The following WDR41 variants were observed in gnomAD, a reference collection of about 807,000 sequenced individuals.
The protein encoded by WDR41 is WD repeat-containing protein 41.
A neutral mutation model predicts 69.3 loss-of-function variants in WDR41; 63 were observed. The observed-to-expected ratio is 0.91, with a 90% confidence interval of 0.74 to 1.12. WDR41 has a LOEUF of 1.12. Ranked by LOEUF, WDR41 falls within the 50% of genes most tolerant of loss-of-function variation. The pLI is 0.00. For synonymous variants in WDR41, 185 were observed against 192.1 expected (o/e 0.96, Z 0.31); for missense variants, 543 against 534.5 (o/e 1.02, Z -0.16).
At chr5:77,554,117 T>A (rs546674113) in intron 1 of WDR41, among the ~76,000 whole-genome samples, 40 of 152,346 alleles carry the variant, frequency 2.6e-4, no homozygotes, top group Middle Eastern at 3.4e-3. Flanking sequence ...TTGATACATA[T>A]GACTTGGATG....
chr5:77,544,217 G>C (rs1234381475), intron 1 of WDR41, among the ~76,000 whole-genome samples: 1 of 146,310 alleles, frequency 6.8e-6, no homozygotes, highest in Non-Finnish European at 1.5e-5. Context: ...AATCTCATAG[G>C]ACCTATAAAA....
intron 2 of WDR41, among the ~76,000 whole-genome samples, chr5:77,472,123 G>T (rs544615722): frequency 1.3e-5 from 2 of 152,076 alleles, no homozygotes; most frequent in Non-Finnish European, 2.9e-5. Flanking sequence ...TTCAATATAC[G>T]CAAATCAATA....
chr5:77,498,846 A>G (rs1801974228), intron 1 of WDR41, among the ~76,000 whole-genome samples: 1 of 144,974 alleles, frequency 6.9e-6, no homozygotes, highest in Admixed American at 6.7e-5. Flanking sequence ...AGAAAAAGAA[A>G]AAAAGAAAAA....
intron 1 of WDR41, chr5:77,582,392 A>G: frequency 6.2e-7 from 1 of 1,610,316 alleles, no homozygotes. Context: ...GGTGTAGAAG[A>G]GAAGAAGAAG....
rs59306558 is a variant in WDR41 at position 77,512,331 on chromosome 5, T to TGAGAGAGAGAGAAAGAGAGAGAGAGA, written c.43-22760_43-22759insTCTCTCTCTCTCTTTCTCTCTCTCTC. ...ATGGTCTGTAATTACATGGGGTGAGTGAGAGAGAGAGAGAGAGAGAGTGAG... is the reference window on the plus strand; with the variant it reads ...ATGGTCTGTAATTACATGGGGTGAGTGAGAGAGAGAGAAAGAGAGAGAGAGAGAGAGAGAGAGAGAGAGAGAGTGAG... On this transcript the variant is annotated intron_variant, in intron 1 of 5. Transcript: ENST00000509971. Among the ~76,000 whole-genome samples the TGAGAGAGAGAGAAAGAGAGAGAGAGA allele has an allele frequency of 4.8e-4, 42 of 87,878 alleles. 2 individuals carry two copies. The highest frequency in any genetic ancestry group is 8.1e-4 in the South Asian group (2 of 2,458). 57.7% of individuals were successfully genotyped at this position (87,878 alleles called of 152,430 possible). A position where few individuals can be genotyped will look rare whatever the true frequency, so the allele number is the denominator to read the frequency against.
rs576098962 is a variant in WDR41, at chr5:77,610,255, C to T, written c.42+10224G>A. Among the ~76,000 whole-genome samples the T allele has an allele frequency of 2.6e-5, 4 of 152,318 alleles. No individual in the cohort carries two copies. The South Asian group carries it at 6.2e-4, about 24-fold the overall frequency. Reference sequence around the variant, plus strand: ...TGCAGGATATTATACAGGAGAACTTCCCCAATCTAGCAAGGCAGGCCAATG... The same window carrying T: ...TGCAGGATATTATACAGGAGAACTTTCCCAATCTAGCAAGGCAGGCCAATG... On this transcript the variant is annotated intron_variant, in intron 1 of 5. Coordinates refer to the WDR41 transcript ENST00000509971.
At chr5:77,481,868 A>G (rs1801287397) in intron 2 of WDR41, among the ~76,000 whole-genome samples, 1 of 151,902 alleles carries the variant, frequency 6.6e-6, no homozygotes, top group South Asian at 2.1e-4. Context: ...TGATATGTTC[A>G]TGTTCATCTG....
At chr5:77,514,251 T>G (rs1802258865) in intron 1 of WDR41, among the ~76,000 whole-genome samples, 1 of 152,296 alleles carries the variant, frequency 6.6e-6, no homozygotes, top group South Asian at 2.1e-4. Flanking sequence ...TGCAGATTCA[T>G]TTTTGTGCTA....
At chr5:77,449,628 TAAAA>T in intron 8 of WDR41, 128 bp downstream of exon 8, 1 of 651,812 alleles carries the variant, frequency 1.5e-6, no homozygotes, top group Non-Finnish European at 2.6e-6. Context: ...AACTTCAGAG[TAAAA>T]GAGAATGACA....
chr5:77,565,000 C>A lies in WDR41; in HGVS notation c.42+55479G>T, dbSNP rs1368301399. ...TAAATAGTCCTTTCTACTCCCATTG[C>A]CATGATTGTACTACAGGGCCTCATG... is the stretch of plus-strand genomic sequence containing the variant. On this transcript the variant is annotated intron_variant, in intron 1 of 5. Coordinates refer to the WDR41 transcript ENST00000509971. 3.3e-5 allele frequency among the ~76,000 whole-genome samples: 5 copies of A among 152,090 alleles called. No individual in the cohort carries two copies. In the South Asian group the frequency reaches 6.2e-4, roughly 19 times the overall value.
chr5:77,582,536 C>A lies in WDR41; in HGVS notation c.42+37943G>T. The A allele has an allele frequency of 2.5e-6, 4 of 1,599,074 alleles. No individual in the cohort carries two copies. In the South Asian group the frequency reaches 4.4e-5, roughly 18 times the overall value. ...AGGAGGAAGCTTATCTATGAAAAAG[C>A]AAAGCACTATCACAAGGAATATAGG... On this transcript the variant is annotated intron_variant, in intron 1 of 5. Coordinates refer to the WDR41 transcript ENST00000509971.
intron 1 of WDR41, among the ~76,000 whole-genome samples, chr5:77,541,226 G>C (rs1343326209): frequency 6.6e-6 from 1 of 152,068 alleles, no homozygotes; most frequent in Non-Finnish European, 1.5e-5. Flanking sequence ...CTAATATGCA[G>C]AGTCTACAAG....
intron 1 of WDR41, among the ~76,000 whole-genome samples, chr5:77,606,282 GT>G (rs1744417024): frequency 6.6e-6 from 1 of 152,168 alleles, no homozygotes; most frequent in South Asian, 2.1e-4. Flanking sequence ...TGGTCATAAG[GT>G]GTCTGATAAG....
chr5:77,493,953 TA>T (rs1040531130), upstream of WDR41, among the ~76,000 whole-genome samples: 3 of 151,064 alleles, frequency 2.0e-5, no homozygotes, highest in Non-Finnish European at 4.4e-5. Flanking sequence ...TTAGGACAGC[TA>T]AGAAAGAATT....
chr5:77,556,095 C>CTTTTTT (rs34372647), intron 1 of WDR41, among the ~76,000 whole-genome samples: 3 of 57,692 alleles, frequency 5.2e-5, no homozygotes, highest in African/African-American at 7.2e-5. Flanking sequence ...AAAAGATGGA[C>CTTTTTT]TTTTTTTTTT....
chr5:77,594,608 T>A (rs1744193086), intron 1 of WDR41, among the ~76,000 whole-genome samples: 1 of 152,206 alleles, frequency 6.6e-6, no homozygotes, highest in South Asian at 2.1e-4. Context: ...TAACCATTTC[T>A]TCTTTGAATC....
intron 7 of WDR41, among the ~76,000 whole-genome samples, chr5:77,450,714 C>G (rs1276959429): frequency 6.6e-6 from 1 of 152,178 alleles, no homozygotes; most frequent in Non-Finnish European, 1.5e-5. Context: ...GGACCAGGTG[C>G]TGTGGATGCT....
intron 1 of WDR41, among the ~76,000 whole-genome samples, chr5:77,592,787 T>G (rs1018133324): frequency 1.3e-5 from 2 of 152,164 alleles, no homozygotes; most frequent in Non-Finnish European, 1.5e-5. Context: ...ACCTGAGCCT[T>G]GTTGTCCAGT....
At chr5:77,554,928 A>G (rs950896989) in intron 1 of WDR41, among the ~76,000 whole-genome samples, 7 of 151,870 alleles carry the variant, frequency 4.6e-5, no homozygotes, top group Admixed American at 6.6e-5. Flanking sequence ...AGACCAACCT[A>G]CAAAATATAC....
Sources: gnomAD v4.1 joint callset for allele counts (sites outside exome capture counted in the v4.1 genomes callset) on GRCh38, gnomAD v4.1.1 for gene constraint, MANE v1.5 for transcripts, NCBI Gene and HGNC (gene_info 2026-07-23, HGNC 2026-07-21) for gene names.